MFHAS1: variants seen among roughly 807,000 people sequenced by gnomAD.
The protein encoded by MFHAS1 is malignant fibrous histiocytoma-amplified sequence 1.
In MFHAS1, 50 loss-of-function variants were observed where a neutral mutation model predicts 70.4. The observed-to-expected ratio is 0.71, with a 90% CI of 0.57 to 0.90. MFHAS1 has a LOEUF of 0.90. Ranked by LOEUF, MFHAS1 falls within the 40% of genes least tolerant of loss-of-function variation. MFHAS1 has a pLI of 0.00. For missense variants in MFHAS1, 1,795 were observed against 1,347.6 expected (o/e 1.33, Z -5.20); for synonymous variants, 952 against 620.0 (o/e 1.54, Z -7.96).
chr8:8,817,967 C>T (rs983121743), intron 1 of MFHAS1, among the ~76,000 whole-genome samples: 3 of 152,196 alleles, frequency 2.0e-5, no homozygotes, highest in Non-Finnish European at 2.9e-5. Context: ...TGAACTGGTA[C>T]TGGTCTGTGG....
chr8:8,857,770 C>CA (rs145876054), intron 1 of MFHAS1, among the ~76,000 whole-genome samples: 2,072 of 150,020 alleles, frequency 0.014, 47 homozygotes, highest in African/African-American at 0.047. Context: ...AAAAAAAAAA[C>CA]AAAAAAAAAT....
intron 1 of MFHAS1, among the ~76,000 whole-genome samples, chr8:8,888,730 AT>A (rs1456672576): frequency 6.6e-6 from 1 of 152,184 alleles, no homozygotes; most frequent in Non-Finnish European, 1.5e-5. Context: ...AGCACAGAGG[AT>A]TTTTAAAGCA....
chr8:8,861,681 T>C (rs930133415), intron 1 of MFHAS1, among the ~76,000 whole-genome samples: 3 of 152,196 alleles, frequency 2.0e-5, no homozygotes, highest in African/African-American at 7.2e-5. Context: ...AGTCATGAGG[T>C]AGAATATTCC....
At chr8:8,872,607 G>A (rs1809119747) in intron 1 of MFHAS1, among the ~76,000 whole-genome samples, 2 of 152,172 alleles carry the variant, frequency 1.3e-5, no homozygotes, top group South Asian at 4.1e-4. Context: ...AGGCTCAGAT[G>A]CATAGGCTCG....
At chr8:8,857,822 T>A (rs968713686) in intron 1 of MFHAS1, among the ~76,000 whole-genome samples, 1 of 152,100 alleles carries the variant, frequency 6.6e-6, no homozygotes, top group Non-Finnish European at 1.5e-5. Flanking sequence ...TGTCCTACAG[T>A]GACATTGACA....
At chr8:8,872,827 G>C (rs1809129513) in intron 1 of MFHAS1, among the ~76,000 whole-genome samples, 1 of 152,196 alleles carries the variant, frequency 6.6e-6, no homozygotes. Context: ...GAAAAGCACA[G>C]AGCATGCACA....
chr8:8,860,995 T>G (rs981872385), intron 1 of MFHAS1, among the ~76,000 whole-genome samples: 1 of 152,212 alleles, frequency 6.6e-6, no homozygotes, highest in Non-Finnish European at 1.5e-5. Context: ...GGAGTTCTAT[T>G]TCACAGTCCC....
chr8:8,883,707 CAAAAAAAAAAAAAAAA>C lies in MFHAS1; in HGVS notation c.2998+6338_2998+6353del, dbSNP rs35799658. Among the ~76,000 whole-genome samples, 9 of 29,588 alleles carry C rather than the reference CAAAAAAAAAAAAAAAA, an allele frequency of 3.0e-4. No homozygotes were observed. The East Asian group carries it at 8.0e-3, about 26-fold the overall frequency. 19.4% of individuals were successfully genotyped at this position (29,588 alleles called of 152,430 possible). On this transcript the variant is annotated intron_variant, in intron 1 of 2. Coordinates refer to ENST00000276282, the MANE Select transcript of MFHAS1 (RefSeq NM_004225.3). ...TGGGCAACAGAGCGAGACTCAGTCT[CAAAAAAAAAAAAAAAA>C]AAAAAAAAGAAAGGGCTCCCATGGA...
At chr8:8,852,842 T>C (rs1408129121) in intron 1 of MFHAS1, among the ~76,000 whole-genome samples, 1 of 152,194 alleles carries the variant, frequency 6.6e-6, no homozygotes, top group Admixed American at 6.5e-5. Context: ...TAGGCTATCA[T>C]TGTTGTTAGC....
intron 2 of MFHAS1, among the ~76,000 whole-genome samples, chr8:8,787,208 G>C (rs1805578175): frequency 6.6e-6 from 1 of 151,918 alleles, no homozygotes; most frequent in African/African-American, 2.4e-5. Context: ...AGCCTCCCGA[G>C]TAGCTAGGAC....
In MFHAS1 at chr8:8,890,204, A is replaced by AT. The variant is rs1319465050; in HGVS notation, c.2854dup (p.Ile952AsnfsTer35). 6.2e-7 allele frequency: 1 copy of AT among 1,614,170 alleles called. No individual in the cohort carries two copies. Among genetic ancestry groups the AT allele is most frequent in the Non-Finnish European group, 8.5e-7 (1 of 1,180,038 alleles). On this transcript the variant is annotated frameshift_variant, in exon 1 of 3. Transcript: ENST00000276282. LOFTEE classifies it high-confidence loss of function. ...GGTTATGGCTTGCCATGCGGTCCAT[A>AT]TATTTGGTAATGATGCATGGCTAGC... is the stretch of plus-strand genomic sequence containing the variant.
Position 8,890,696 on chromosome 8 carries a change from T to A in MFHAS1, c.2363A>T (p.Tyr788Phe). The A allele has an allele frequency of 6.2e-7, 1 of 1,613,652 alleles. No homozygotes were observed. Among genetic ancestry groups the A allele is most frequent in the Non-Finnish European group, 8.5e-7 (1 of 1,179,744 alleles). The change falls in exon 1 of 3, where the codon TAT becomes TTT. Residue 788 changes from tyrosine to phenylalanine, a missense_variant. Coordinates refer to ENST00000276282, the MANE Select transcript of MFHAS1 (RefSeq NM_004225.3). ...ELLRATQLHQ[Y>F]VEGFLLHGLL... ...CCCATGCAACAGAAAGCCCTCCACA[T>A]ACTGATGGAGCTGGGTGGCCCGGAG...
At position 8,892,605 on chromosome 8, in the gene MFHAS1, C is replaced by G; in HGVS notation, c.454G>C (p.Ala152Pro). ...LSHNQLPALP[A>P]QLGALAHLEE... Reference sequence around the variant, plus strand: ...AGGTGAGCGAGAGCGCCCAGCTGGGCGGGCAGGGCGGGCAGCTGGTTGTGG... The same window carrying G: ...AGGTGAGCGAGAGCGCCCAGCTGGGGGGGCAGGGCGGGCAGCTGGTTGTGG... Residue 152 changes from alanine to proline, a missense_variant, in exon 1 of 3, where the codon GCC becomes CCC. By Grantham distance (27) the Ala-to-Pro change is conservative. Transcript: ENST00000276282. This position sits in a 1 kb window ranked among gnomAD's most constrained non-coding sequence, Gnocchi z 4.7. 1 of 1,607,608 alleles carries G rather than the reference C, an allele frequency of 6.2e-7. No individual in the cohort carries two copies. The highest frequency in any genetic ancestry group is 1.1e-5 in the South Asian group (1 of 90,166).
At chr8:8,868,499 G>C (rs58169490) in intron 1 of MFHAS1, among the ~76,000 whole-genome samples, 5,124 of 151,584 alleles carry the variant, frequency 0.034, 263 homozygotes, top group African/African-American at 0.11. Context: ...TTGGTAGACA[G>C]ATGTGCCCTT....
At chr8:8,843,500 G>C (rs969959347) in intron 1 of MFHAS1, among the ~76,000 whole-genome samples, 5 of 152,228 alleles carry the variant, frequency 3.3e-5, no homozygotes, top group African/African-American at 1.2e-4. Flanking sequence ...AGGATGGATT[G>C]AGCCCAGGAG....
At chr8:8,867,501 T>G (rs549785931) in intron 1 of MFHAS1, among the ~76,000 whole-genome samples, 26 of 152,182 alleles carry the variant, frequency 1.7e-4, no homozygotes, top group African/African-American at 6.0e-4. Context: ...ATTTTAAAAG[T>G]ATGCAAAGTA....
intron 1 of MFHAS1, among the ~76,000 whole-genome samples, chr8:8,832,789 A>G (rs994529649): frequency 6.6e-6 from 1 of 151,894 alleles, no homozygotes; most frequent in Admixed American, 6.6e-5. Flanking sequence ...CCATTACTAC[A>G]TGCTAAGTTT....
chr8:8,846,279 G>T (rs1395276081), intron 1 of MFHAS1, among the ~76,000 whole-genome samples: 1 of 120,512 alleles, frequency 8.3e-6, no homozygotes. Context: ...GGGGAAGGAG[G>T]AGGAGGGGGA....
At chr8:8,803,510 C>G (rs1478196843) in intron 1 of MFHAS1, among the ~76,000 whole-genome samples, 2 of 130,926 alleles carry the variant, frequency 1.5e-5, no homozygotes, top group Non-Finnish European at 3.3e-5. Flanking sequence ...GAGCAAGACC[C>G]TGTCTCAAAA....
Sources: gnomAD v4.1 joint callset for allele counts (sites outside exome capture counted in the v4.1 genomes callset) on GRCh38, gnomAD v4.1.1 for gene constraint, Gnocchi (gnomAD v3.1) non-coding constraint, MANE v1.5 for transcripts, NCBI Gene and HGNC (gene_info 2026-07-23, HGNC 2026-07-21) for gene names.